The following AFTPH variants were observed in gnomAD, a reference collection of about 807,000 sequenced individuals.
AFTPH encodes the protein aftiphilin.
In AFTPH, 7 loss-of-function variants were observed where a neutral mutation model predicts 72.5. The observed-to-expected ratio is 0.10, with a 90% CI of 0.05 to 0.18. AFTPH has a LOEUF of 0.18. Ranked by LOEUF, AFTPH falls within the 10% of genes least tolerant of loss-of-function variation. The pLI, the probability that AFTPH is intolerant of heterozygous loss-of-function variation, is 1.00. For missense variants in AFTPH, 979 were observed against 1,060.5 expected, an observed-to-expected ratio of 0.92 and a Z score of 1.07; for synonymous variants, 337 against 370.1, an observed-to-expected ratio of 0.91 and a Z score of 1.03.
intron 8 of AFTPH, among the ~76,000 whole-genome samples, chr2:64,587,606 TAG>T (rs1673590546): frequency 6.6e-6 from 1 of 152,226 alleles, no homozygotes; most frequent in African/African-American, 2.4e-5. Flanking sequence ...GGCATTTTGA[TAG>T]ACTATAGGGT....
In AFTPH at chr2:64,584,895, C is replaced by T. The variant is rs138182785; in HGVS notation, c.2456-527C>T. On this transcript the variant is annotated intron_variant, in intron 7 of 8. Transcript: ENST00000238856. ...ACAGGCGTGAGCCACCGCGCCTGGCCAGTCATGATATATTTAAACTAACCA... is the reference window on the plus strand; with the variant it reads ...ACAGGCGTGAGCCACCGCGCCTGGCTAGTCATGATATATTTAAACTAACCA... 3.5e-3 allele frequency among the ~76,000 whole-genome samples: 531 copies of T among 152,214 alleles called. 2 individuals carry two copies. The highest frequency in any genetic ancestry group is 9.2e-3 in the African/African-American group (381 of 41,518).
At chr2:64,585,432 G>A (rs769154856) in exon 8 of AFTPH, 22 of 1,611,628 alleles carry the variant, frequency 1.4e-5, no homozygotes, top group Non-Finnish European at 1.7e-5. Flanking sequence ...GTGTGGATCC[G>A]GAGTTGTATG....
intron 5 of AFTPH, among the ~76,000 whole-genome samples, chr2:64,570,726 T>A (rs1247965142): frequency 6.6e-6 from 1 of 152,212 alleles, no homozygotes; most frequent in East Asian, 1.9e-4. Flanking sequence ...GAGTTTAATT[T>A]GTAGGCACTT....
intron 4 of AFTPH, 102 bp downstream of exon 4, chr2:64,569,320 A>G: frequency 7.0e-7 from 1 of 1,422,484 alleles, no homozygotes; most frequent in Non-Finnish European, 9.5e-7. Flanking sequence ...TTCCTCAGAA[A>G]ATAAATATTT....
exon 9 of AFTPH, chr2:64,592,622 T>C (rs1408561274): frequency 3.3e-5 from 5 of 152,640 alleles, no homozygotes; most frequent in Admixed American, 2.0e-4. Flanking sequence ...TCTTTTGTTA[T>C]AGGGTATGGA....
At chr2:64,591,485 C>A (rs3821138) in intron 8 of AFTPH, among the ~76,000 whole-genome samples, 1 of 152,006 alleles carries the variant, frequency 6.6e-6, no homozygotes, top group Non-Finnish European at 1.5e-5. Flanking sequence ...GTAGTTTTAG[C>A]GGGTGGAGGG....
intron 2 of AFTPH, among the ~76,000 whole-genome samples, chr2:64,560,158 C>T (rs1466601048): frequency 1.3e-5 from 2 of 151,994 alleles, no homozygotes; most frequent in Non-Finnish European, 2.9e-5. Context: ...ACGTGCCAGT[C>T]GAGAAGCTCT....
At chr2:64,530,395 T>C (rs1669559677) in intron 1 of AFTPH, among the ~76,000 whole-genome samples, 1 of 152,214 alleles carries the variant, frequency 6.6e-6, no homozygotes, top group African/African-American at 2.4e-5. Flanking sequence ...CAAATCATTA[T>C]CTACATCATA....
exon 3 of AFTPH, chr2:64,567,570 A>T (rs1215921444): frequency 1.9e-6 from 3 of 1,606,168 alleles, no homozygotes; most frequent in Non-Finnish European, 2.5e-6. Flanking sequence ...AGACAGCTTT[A>T]TTAAACCGCC....
intron 1 of AFTPH, among the ~76,000 whole-genome samples, chr2:64,534,789 A>G (rs1669801524): frequency 6.6e-6 from 1 of 150,848 alleles, no homozygotes; most frequent in African/African-American, 2.4e-5. Context: ...ATTATATACT[A>G]ATTATAAGTG....
intron 1 of AFTPH, among the ~76,000 whole-genome samples, chr2:64,540,880 T>A (rs548072609): frequency 1.3e-5 from 2 of 152,288 alleles, no homozygotes; most frequent in East Asian, 3.9e-4. Context: ...CTTTCTTGTC[T>A]TGTAAAAATC....
chr2:64,561,270 C>G (rs886501255), intron 2 of AFTPH, among the ~76,000 whole-genome samples: 1 of 152,228 alleles, frequency 6.6e-6, no homozygotes, highest in Non-Finnish European at 1.5e-5. Context: ...AAAGGTGTGA[C>G]TGAGTCACAT....
At chr2:64,576,034 C>T (rs913162698) in intron 6 of AFTPH, among the ~76,000 whole-genome samples, 10 of 150,014 alleles carry the variant, frequency 6.7e-5, no homozygotes, top group Admixed American at 3.3e-4. Flanking sequence ...ACATCGCACC[C>T]GGCCTAGAAA....
chr2:64,580,764 C>T (rs1398507907), intron 7 of AFTPH: 1 of 152,994 alleles, frequency 6.5e-6, no homozygotes, highest in East Asian at 1.9e-4. Context: ...TTTTAAAAAG[C>T]ATTAATTAGA....
chr2:64,536,507 T>A (rs1478977148), intron 1 of AFTPH, among the ~76,000 whole-genome samples: 2 of 147,028 alleles, frequency 1.4e-5, no homozygotes, highest in Non-Finnish European at 3.0e-5. Context: ...AGGTGGAGGT[T>A]GTAGTGATCG....
chr2:64,537,929 C>T (rs1669980765), intron 1 of AFTPH, among the ~76,000 whole-genome samples: 1 of 152,082 alleles, frequency 6.6e-6, no homozygotes, highest in Non-Finnish European at 1.5e-5. Context: ...ATGCTAGAAG[C>T]AGTAATTGGA....
intron 6 of AFTPH, among the ~76,000 whole-genome samples, chr2:64,577,360 C>T (rs535756118): frequency 6.6e-6 from 1 of 151,172 alleles, no homozygotes; most frequent in East Asian, 1.9e-4. Context: ...TTTTCATTTC[C>T]GTTAAATGTC....
chr2:64,536,777 A>T (rs1477607653), intron 1 of AFTPH, among the ~76,000 whole-genome samples: 1 of 151,678 alleles, frequency 6.6e-6, no homozygotes, highest in Non-Finnish European at 1.5e-5. Flanking sequence ...ACATGGCGAA[A>T]CACTGTCTCT....
rs538203104 is a variant in AFTPH, at chr2:64,545,827, T to G, written c.-32-5616T>G. 5.3e-5 allele frequency among the ~76,000 whole-genome samples: 8 copies of G among 152,068 alleles called. No homozygotes were observed. In the South Asian group the frequency reaches 1.5e-3, roughly 28 times the overall value. ...GATAGTGGTGGTAGTTACACAAATC[T>G]GAATAGAGGATAAAATTGAGCAGAA... On this transcript the variant is annotated intron_variant, in intron 1 of 8. Coordinates refer to ENST00000238856, the Ensembl canonical transcript of AFTPH.
Sources: gnomAD v4.1 joint callset for allele counts (sites outside exome capture counted in the v4.1 genomes callset) on GRCh38, gnomAD v4.1.1 for gene constraint, MANE v1.5 for transcripts, NCBI Gene and HGNC (gene_info 2026-07-23, HGNC 2026-07-21) for gene names.